The following KAZN variants were observed in gnomAD, a reference collection of about 807,000 sequenced individuals.
KAZN encodes the protein kazrin, periplakin interacting protein.
KAZN carries 40 observed loss-of-function variants against 87.4 expected under a neutral mutation model. The ratio of observed to expected loss-of-function variants is 0.46; its 90% CI spans 0.36 to 0.60. The LOEUF (loss-of-function observed/expected upper bound fraction) is 0.60. Among genes scored for constraint, KAZN ranks in the 20% least tolerant of loss-of-function variants. The pLI is 0.00. For missense variants in KAZN, 898 were observed against 1,073.9 expected (o/e 0.84, Z 2.29); for synonymous variants, 466 against 458.3 (o/e 1.02, Z -0.22).
At chr1:13,893,282 CG>C (rs1027336088) in exon 1 of KAZN, 12 of 169,918 alleles carry the variant, frequency 7.1e-5, no homozygotes, top group African/African-American at 2.1e-4. Context: ...GAGCTGCTCC[CG>C]GGGACCCTGC....
chr1:14,812,702 A>G (rs909258972), intron 1 of KAZN, among the ~76,000 whole-genome samples: 1 of 151,820 alleles, frequency 6.6e-6, no homozygotes, highest in African/African-American at 2.4e-5. Flanking sequence ...TTTTGTAGAG[A>G]TGAGGTCTCA....
chr1:14,304,737 G>A (rs1654798723), intron 2 of KAZN: 2 of 397,808 alleles, frequency 5.0e-6, no homozygotes, highest in Non-Finnish European at 8.9e-6. Context: ...TCTAGTACAT[G>A]TGGCATTACC....
At chr1:14,015,981 C>T (rs148357812) in intron 1 of KAZN, among the ~76,000 whole-genome samples, 42 of 152,082 alleles carry the variant, frequency 2.8e-4, no homozygotes, top group Middle Eastern at 6.8e-3. Flanking sequence ...TGACCAGAGA[C>T]CACAGGATTG....
chr1:14,935,041 G>T (rs1250775310), intron 1 of KAZN, among the ~76,000 whole-genome samples: 1 of 152,200 alleles, frequency 6.6e-6, no homozygotes. Context: ...CATTTCCACA[G>T]TGCCAGCCCT....
At chr1:14,736,299 G>GTGTGTGTATA (rs1214411509) in intron 1 of KAZN, among the ~76,000 whole-genome samples, 1 of 121,096 alleles carries the variant, frequency 8.3e-6, no homozygotes, top group African/African-American at 3.3e-5. Flanking sequence ...GTGTGTGTGT[G>GTGTGTGTATA]TATATTTTTT....
chr1:14,540,523 GT>G (rs1450028440), intron 2 of KAZN, among the ~76,000 whole-genome samples: 3 of 152,106 alleles, frequency 2.0e-5, no homozygotes, highest in African/African-American at 7.2e-5. Flanking sequence ...CATCCAAAGG[GT>G]GTTGTCACAC....
chr1:13,982,311 T>C lies in KAZN; in HGVS notation c.91+88555T>C, dbSNP rs1638764485. 5.3e-5 allele frequency among the ~76,000 whole-genome samples: 8 copies of C among 151,980 alleles called. No homozygotes were observed. In the South Asian group the frequency reaches 1.7e-3, roughly 32 times the overall value. On this transcript the variant is annotated intron_variant, in intron 1 of 16. Coordinates refer to the KAZN transcript ENST00000636203. Reference sequence around the variant, plus strand: ...TGAAGCCGTGAACCCTCACGGTGAGTGTTACAGTTCTTAAGGGAGCGCGTC... The same window carrying C: ...TGAAGCCGTGAACCCTCACGGTGAGCGTTACAGTTCTTAAGGGAGCGCGTC...
chr1:14,930,137 C>G (rs975808028), intron 1 of KAZN: 1 of 930,304 alleles, frequency 1.1e-6, no homozygotes, highest in South Asian at 5.0e-5. Flanking sequence ...GGGTGGGGCC[C>G]GTCCTCAGTC....
intron 1 of KAZN, among the ~76,000 whole-genome samples, chr1:13,981,099 ATATATATATATG>A (rs1638673244): frequency 7.7e-6 from 1 of 130,202 alleles, no homozygotes; most frequent in East Asian, 2.1e-4. Flanking sequence ...TTATATATAT[ATATATATATATG>A]TATATATAAA....
At chr1:14,993,517 G>T (rs1667557457) in intron 2 of KAZN, among the ~76,000 whole-genome samples, 1 of 151,896 alleles carries the variant, frequency 6.6e-6, no homozygotes, top group South Asian at 2.1e-4. Context: ...GGTGGCGTCT[G>T]CCCCTAGCGG....
intron 1 of KAZN, among the ~76,000 whole-genome samples, chr1:14,074,445 C>T (rs2101568661): frequency 6.6e-6 from 1 of 152,362 alleles, no homozygotes; most frequent in African/African-American, 2.4e-5. Flanking sequence ...GGTGGACACA[C>T]ATCAGCAATG....
intron 1 of KAZN, among the ~76,000 whole-genome samples, chr1:14,142,082 A>G (rs898547213): frequency 7.5e-5 from 11 of 146,354 alleles, no homozygotes; most frequent in Admixed American, 6.1e-4. Context: ...CTGCCTTGCT[A>G]TCTTCCTCTT....
intron 2 of KAZN, among the ~76,000 whole-genome samples, chr1:14,275,373 G>A (rs1256773393): frequency 1.3e-5 from 2 of 151,608 alleles, no homozygotes; most frequent in Non-Finnish European, 2.9e-5. Context: ...GAGAGACCCA[G>A]GAATCTGGGT....
At chr1:14,411,825 C>T (rs184752708) in intron 2 of KAZN, among the ~76,000 whole-genome samples, 149 of 152,170 alleles carry the variant, frequency 9.8e-4, no homozygotes, top group African/African-American at 3.5e-3. Flanking sequence ...AGTAATAACA[C>T]GTAACATAAA....
At chr1:14,211,127 CA>C (rs1444866993) in intron 2 of KAZN, among the ~76,000 whole-genome samples, 1 of 152,204 alleles carries the variant, frequency 6.6e-6, no homozygotes, top group Non-Finnish European at 1.5e-5. Context: ...TCACTGAAGG[CA>C]CTCATACACC....
chr1:14,251,101 A>G (rs1167502962), intron 2 of KAZN, among the ~76,000 whole-genome samples: 2 of 152,158 alleles, frequency 1.3e-5, no homozygotes, highest in African/African-American at 4.8e-5. Context: ...TATGTAATCT[A>G]TGCTTGTGTG....
chr1:14,433,804 G>T (rs776169370), intron 2 of KAZN, among the ~76,000 whole-genome samples: 2 of 152,222 alleles, frequency 1.3e-5, no homozygotes, highest in Non-Finnish European at 2.9e-5. Context: ...AGGTTGCAGT[G>T]ATCAGAGATG....
At chr1:14,894,295 T>A (rs1655029610) in intron 1 of KAZN, among the ~76,000 whole-genome samples, 1 of 152,186 alleles carries the variant, frequency 6.6e-6, no homozygotes, top group South Asian at 2.1e-4. Context: ...TGCCATTTGC[T>A]GTTCCTTCTC....
chr1:14,086,809 C>G (rs960009136), intron 1 of KAZN, among the ~76,000 whole-genome samples: 9 of 152,136 alleles, frequency 5.9e-5, no homozygotes, highest in African/African-American at 2.2e-4. Context: ...AAAAGATTAT[C>G]TTTTCTCCAT....
Sources: gnomAD v4.1 joint callset for allele counts (sites outside exome capture counted in the v4.1 genomes callset) on GRCh38, gnomAD v4.1.1 for gene constraint, MANE v1.5 for transcripts, NCBI Gene and HGNC (gene_info 2026-07-23, HGNC 2026-07-21) for gene names.